The following ONECUT3 variants were observed in gnomAD, a reference collection of about 807,000 sequenced individuals.
The protein encoded by ONECUT3 is one cut domain family member 3.
ONECUT3 carries 11 observed loss-of-function variants against 16.8 expected under a neutral mutation model. The ratio of observed to expected loss-of-function variants is 0.66; its 90% CI spans 0.41 to 1.09. The LOEUF (loss-of-function observed/expected upper bound fraction) is 1.09, where lower values mean the gene tolerates loss of function less well. Among genes scored for constraint, ONECUT3 ranks in the 50% least tolerant of loss-of-function variants. The pLI is 0.00. For synonymous variants in ONECUT3, 344 were observed against 310.7 expected (o/e 1.11, Z -1.13); for missense variants, 637 against 629.9 (o/e 1.01, Z -0.12).
rs2067936706 is a variant in ONECUT3 at position 1,759,837 on chromosome 19, G to T, written c.1192+4983G>T. Among the ~76,000 whole-genome samples, 1 of 152,222 alleles carries T rather than the reference G, an allele frequency of 6.6e-6. No individual in the cohort carries two copies. Among genetic ancestry groups the T allele is most frequent in the Admixed American group, 6.5e-5 (1 of 15,284 alleles). The stretch of plus-strand genomic sequence containing the variant: ...GGCCACCGTAGGTTTCCACAGGGAT[G>T]CACGGAGTGTGGATAGACCGAGACC... On this transcript the variant is annotated intron_variant, in intron 1 of 1. Transcript: ENST00000382349. The surrounding 1 kb of genome is among the most constrained non-coding windows in gnomAD (Gnocchi z 4.1).
rs2067970778 is a variant in ONECUT3, at chr19:1,764,820, GA to G, written c.1192+9967del. 7.6e-6 allele frequency among the ~76,000 whole-genome samples: 1 copy of G among 131,790 alleles called. No homozygotes were observed. The highest frequency in any genetic ancestry group is 2.9e-4 in the South Asian group (1 of 3,454). The allele number at this position is 131,790 out of a possible 152,430, so 86.5% of individuals were successfully genotyped here. On this transcript the variant is annotated intron_variant, in intron 1 of 1. Coordinates refer to ENST00000382349, the MANE Select transcript of ONECUT3 (RefSeq NM_001080488.2). The surrounding 1 kb of genome is among the most constrained non-coding windows in gnomAD (Gnocchi z 5.0). ...CCACGGGGGGGGGATGCGCAGGGGG[GA>G]CAAGACACCAGCATGGGGGTGGGGG...
Position 1,754,031 on chromosome 19 carries a change from G to T in ONECUT3, c.369G>T (p.Lys123Asn). The change falls in exon 1 of 2, where the codon AAG becomes AAT. Residue 123 changes from lysine to asparagine, a missense_variant. This residue lies in a region of ONECUT3 where 419 missense variants were observed against 377.9 expected (regional missense o/e 1.11). Transcript: ENST00000382349. The surrounding 1 kb of genome is among the most constrained non-coding windows in gnomAD (Gnocchi z 7.4). ...HLPPLAAVAD[K>N]FHQHAAAAAV... ...CGCCGCTCGCGGCCGTGGCCGACAA[G>T]TTCCACCAGCACGCGGCGGCCGCGG... The T allele has an allele frequency of 1.0e-6, 1 of 992,288 alleles. No homozygotes were observed. Among genetic ancestry groups the T allele is most frequent in the Non-Finnish European group, 1.2e-6 (1 of 836,032 alleles). The allele number at this position is 992,288 out of a possible 1,614,324, so 61.5% of individuals were successfully genotyped here.
At chr19:1,767,519 A>C (rs1187041669) in intron 1 of ONECUT3, among the ~76,000 whole-genome samples, 2 of 152,120 alleles carry the variant, frequency 1.3e-5, no homozygotes, top group Non-Finnish European at 2.9e-5. Context: ...AAACGCCTTC[A>C]TCCGGAACTT....
At chr19:1,760,800 G>A (rs1200040506) in intron 1 of ONECUT3, among the ~76,000 whole-genome samples, 3 of 152,134 alleles carry the variant, frequency 2.0e-5, no homozygotes, top group African/African-American at 4.8e-5. Context: ...GGGAGACAGG[G>A]ACGCTCGCCC....
In ONECUT3 at chr19:1,762,162, G is replaced by A. The variant is rs1323307707; in HGVS notation, c.1192+7308G>A. 1.3e-5 allele frequency among the ~76,000 whole-genome samples: 2 copies of A among 152,234 alleles called. No individual in the cohort carries two copies. Among genetic ancestry groups the A allele is most frequent in the African/African-American group, 4.8e-5 (2 of 41,466 alleles). ...GAAGACGCCCCATCTCCCCCTGGACGCAGTGGCTGCGCCATCTGGAGACCC... is the reference window on the plus strand; with the variant it reads ...GAAGACGCCCCATCTCCCCCTGGACACAGTGGCTGCGCCATCTGGAGACCC... On this transcript the variant is annotated intron_variant, in intron 1 of 1. Transcript: ENST00000382349. This position sits in a 1 kb window ranked among gnomAD's most constrained non-coding sequence, Gnocchi z 4.4.
rs888000994 is a variant in ONECUT3, at chr19:1,764,914, C to T, written c.1192+10060C>T. 1.3e-5 allele frequency among the ~76,000 whole-genome samples: 2 copies of T among 152,084 alleles called. No homozygotes were observed. The highest frequency in any genetic ancestry group is 4.8e-5 in the African/African-American group (2 of 41,396). On this transcript the variant is annotated intron_variant, in intron 1 of 1. Coordinates refer to ENST00000382349, the MANE Select transcript of ONECUT3 (RefSeq NM_001080488.2). The surrounding 1 kb of genome is among the most constrained non-coding windows in gnomAD (Gnocchi z 5.0). ...GGGACAGGACGCGTCGCCAAGGAAA[C>T]CGGTCATCATCCCAGCCGGAGACCG...
intron 1 of ONECUT3, among the ~76,000 whole-genome samples, chr19:1,770,754 G>C (rs1295414669): frequency 1.3e-5 from 2 of 152,188 alleles, no homozygotes; most frequent in African/African-American, 2.4e-5. Flanking sequence ...TGCCAAAGAG[G>C]TGAGAGGTCA....
intron 1 of ONECUT3, among the ~76,000 whole-genome samples, chr19:1,768,862 G>GGTA (rs2068019025): frequency 2.0e-5 from 3 of 149,900 alleles, no homozygotes; most frequent in Non-Finnish European, 3.0e-5. Flanking sequence ...AGACGATGGA[G>GGTA]GAGGTGGCGG....
chr19:1,754,831 G>T lies in ONECUT3; in HGVS notation c.1169G>T (p.Arg390Leu). The T allele has an allele frequency of 6.6e-7, 1 of 1,524,996 alleles. No individual in the cohort carries two copies. Among genetic ancestry groups the T allele is most frequent in the Non-Finnish European group, 8.8e-7 (1 of 1,134,302 alleles). The allele number at this position is 1,524,996 out of a possible 1,614,324, so 94.5% of individuals were successfully genotyped here. A position where few individuals can be genotyped will look rare whatever the true frequency, so the allele number is the denominator to read the frequency against. Residue 390 changes from arginine to leucine, a missense_variant, in exon 1 of 2, where the codon CGC (arginine) becomes CTC (leucine). Physicochemically the swap from Arg to Leu is moderately radical, Grantham distance 102 (BLOSUM62 -2). Around this residue, in one of 3 missense-constraint regions of ONECUT3, gnomAD observed 183 missense variants for 188.3 expected, o/e 0.97. Coordinates refer to ENST00000382349, the MANE Select transcript of ONECUT3 (RefSeq NM_001080488.2). This position sits in a 1 kb window ranked among gnomAD's most constrained non-coding sequence, Gnocchi z 7.4. Reference sequence around the variant, plus strand: ...TGGCTGCAGGAGCCAGAGTTCCAGCGCATGTCGGCGCTGCGCTTGGCAGGT... The same window carrying T: ...TGGCTGCAGGAGCCAGAGTTCCAGCTCATGTCGGCGCTGCGCTTGGCAGGT... ...WKWLQEPEFQ[R>L]MSALRLAACK... is the part of the protein sequence containing the mutation.
chr19:1,765,131 G>A (rs1010052168), intron 1 of ONECUT3, among the ~76,000 whole-genome samples: 16 of 152,108 alleles, frequency 1.1e-4, no homozygotes, highest in African/African-American at 3.4e-4. Context: ...GCTGCATCCT[G>A]GGGCGTCTTC....
intron 1 of ONECUT3, among the ~76,000 whole-genome samples, chr19:1,773,558 G>C (rs2068076805): frequency 6.6e-6 from 1 of 152,180 alleles, no homozygotes; most frequent in African/African-American, 2.4e-5. Context: ...GAAAAGAAAA[G>C]CTCTCTGTGC....
At position 1,775,678 on chromosome 19, in the gene ONECUT3, T is replaced by G; in HGVS notation, c.*233T>G. Reference sequence around the variant, plus strand: ...ACTCCCTCCAGGCCAAAGGAAGCCCTCCACCCCCCCCCGGAGGGGAGGGAG... The same window carrying G: ...ACTCCCTCCAGGCCAAAGGAAGCCCGCCACCCCCCCCCGGAGGGGAGGGAG... On this transcript the variant is annotated 3_prime_UTR_variant, in exon 2 of 2. Transcript: ENST00000382349. The G allele has an allele frequency of 6.3e-5, 21 of 331,048 alleles. No homozygotes were observed. Among genetic ancestry groups the G allele is most frequent in the African/African-American group, 9.5e-5 (3 of 31,558 alleles). 20.5% of individuals were successfully genotyped at this position (331,048 alleles called of 1,614,324 possible).
rs1299068570 is a variant in ONECUT3 at position 1,754,917 on chromosome 19, G to A, written c.1192+63G>A. 7 of 1,288,376 alleles carry A rather than the reference G, an allele frequency of 5.4e-6. No individual in the cohort carries two copies. The highest frequency in any genetic ancestry group is 8.3e-5 in the Admixed American group (2 of 24,036). 79.8% of individuals were successfully genotyped at this position (1,288,376 alleles called of 1,614,324 possible). ...CCGGCTCTGGACTCCCGAGCACCTAGCGGGGCGGCGGCCGATGCCCGGGGC... is the reference window on the plus strand; with the variant it reads ...CCGGCTCTGGACTCCCGAGCACCTAACGGGGCGGCGGCCGATGCCCGGGGC... On this transcript the variant is annotated intron_variant, in intron 1 of 1. Coordinates refer to ENST00000382349, the MANE Select transcript of ONECUT3 (RefSeq NM_001080488.2). This position sits in a 1 kb window ranked among gnomAD's most constrained non-coding sequence, Gnocchi z 7.4.
In ONECUT3 at chr19:1,775,145, GC is replaced by G; in HGVS notation, c.1193-5del. The G allele has an allele frequency of 1.3e-6, 1 of 798,282 alleles. No individual in the cohort carries two copies. Among genetic ancestry groups the G allele is most frequent in the Non-Finnish European group, 1.8e-6 (1 of 555,774 alleles). The allele number at this position is 798,282 out of a possible 1,614,324, so 49.4% of individuals were successfully genotyped here. On this transcript the variant is annotated splice_region_variant and splice_polypyrimidine_tract_variant and intron_variant, in intron 1 of 1. Coordinates refer to ENST00000382349, the MANE Select transcript of ONECUT3 (RefSeq NM_001080488.2). ...CCGCTCGCCCGCCCGCCCGCCGCTC[GC>G]CCGCAGCCTGCAAGCGCAAGGAACA...
chr19:1,762,185 C>A lies in ONECUT3; in HGVS notation c.1192+7331C>A, dbSNP rs1004054309. Among the ~76,000 whole-genome samples the A allele has an allele frequency of 6.6e-6, 1 of 152,238 alleles. No homozygotes were observed. The highest frequency in any genetic ancestry group is 2.4e-5 in the African/African-American group (1 of 41,480). ...ACGCAGTGGCTGCGCCATCTGGAGA[C>A]CCTCGTGCTGGCTGCTGGGGGTCCT... On this transcript the variant is annotated intron_variant, in intron 1 of 1. Coordinates refer to ENST00000382349, the MANE Select transcript of ONECUT3 (RefSeq NM_001080488.2). The surrounding 1 kb of genome is among the most constrained non-coding windows in gnomAD (Gnocchi z 4.4).
chr19:1,760,238 A>G (rs1221898697), intron 1 of ONECUT3, among the ~76,000 whole-genome samples: 1 of 152,222 alleles, frequency 6.6e-6, no homozygotes, highest in Non-Finnish European at 1.5e-5. Flanking sequence ...GAGGGGCCGT[A>G]ACAGGACCAG....
At position 1,758,279 on chromosome 19, in the gene ONECUT3, C is replaced by T. The variant is rs936495599; in HGVS notation, c.1192+3425C>T. Among the ~76,000 whole-genome samples the T allele has an allele frequency of 1.5e-5, 2 of 130,304 alleles. No individual in the cohort carries two copies. Among genetic ancestry groups the T allele is most frequent in the Non-Finnish European group, 3.1e-5 (2 of 64,018 alleles). 85.5% of individuals were successfully genotyped at this position (130,304 alleles called of 152,430 possible). ...GAAAGGAACAGAGGTGAAGGAGAGA[C>T]GAAAAGAGAGGCAGAGAGACCAAAA... is the stretch of plus-strand genomic sequence containing the variant. On this transcript the variant is annotated intron_variant, in intron 1 of 1. Coordinates refer to ENST00000382349, the MANE Select transcript of ONECUT3 (RefSeq NM_001080488.2). This position sits in a 1 kb window ranked among gnomAD's most constrained non-coding sequence, Gnocchi z 5.9.
At chr19:1,769,445 A>G (rs574950118) in intron 1 of ONECUT3, among the ~76,000 whole-genome samples, 1 of 152,168 alleles carries the variant, frequency 6.6e-6, no homozygotes, top group South Asian at 2.1e-4. Flanking sequence ...TACCAGGGCC[A>G]AGTCCAGGGC....
In ONECUT3 at chr19:1,776,242, C is replaced by T. The variant is rs1402354265; in HGVS notation, c.*797C>T. On this transcript the variant is annotated 3_prime_UTR_variant, in exon 2 of 2. Transcript: ENST00000382349. This position sits in a 1 kb window ranked among gnomAD's most constrained non-coding sequence, Gnocchi z 4.9. ...AATTCCAGACGCCCCCGCCCCGCCCCGTCTGTTGAGTTCACTTTACCTTTA... is the reference window on the plus strand; with the variant it reads ...AATTCCAGACGCCCCCGCCCCGCCCTGTCTGTTGAGTTCACTTTACCTTTA... 1 of 152,402 alleles carries T rather than the reference C, an allele frequency of 6.6e-6. No homozygotes were observed. The highest frequency in any genetic ancestry group is 1.5e-5 in the Non-Finnish European group (1 of 68,180). The allele number at this position is 152,402 out of a possible 1,614,324, so 9.4% of individuals were successfully genotyped here. A position where few individuals can be genotyped will look rare whatever the true frequency, so the allele number is the denominator to read the frequency against.
Sources: allele counts gnomAD v4.1 joint callset (sites outside exome capture counted in the v4.1 genomes callset), GRCh38; gene constraint gnomAD v4.1.1; regional missense constraint gnomAD v4.1.1; non-coding constraint Gnocchi (gnomAD v3.1); transcripts MANE v1.5; gene names NCBI Gene and HGNC (gene_info 2026-07-23, HGNC 2026-07-21).